NOL10: variants seen among roughly 807,000 people sequenced by gnomAD.
NOL10 encodes nucleolar protein 10, also known as H_NH0074G24.1.
Under a neutral mutation model 103.5 loss-of-function variants are expected in NOL10, and 58 were observed. That is an observed-to-expected ratio of 0.56 (90% CI 0.45 to 0.70). The LOEUF (loss-of-function observed/expected upper bound fraction) is 0.70. Ranked by LOEUF, NOL10 falls within the 30% of genes least tolerant of loss-of-function variation. The pLI is 0.00. For missense variants in NOL10, 763 were observed against 807.3 expected (o/e 0.95, Z 0.67); for synonymous variants, 287 against 282.5 (o/e 1.02, Z -0.16).
intron 13 of NOL10, among the ~76,000 whole-genome samples, chr2:10,638,483 C>CTTTTTTTTTTTTTTTTTTTTTTT (rs869294782): frequency 1.3e-5 from 1 of 77,784 alleles, no homozygotes; most frequent in African/African-American, 5.4e-5. Flanking sequence ...GCTGAATTCC[C>CTTTTTTTTTTTTTTTTTTTTTTT]TTTTTTTTTT....
At chr2:10,684,516 A>G in intron 2 of NOL10, 51 bp downstream of exon 2, 1 of 1,394,962 alleles carries the variant, frequency 7.2e-7, no homozygotes. Context: ...GAGTAAAAGC[A>G]TTAGAACATG....
chr2:10,661,661 G>C (rs140709008), intron 9 of NOL10, among the ~76,000 whole-genome samples: 2 of 151,920 alleles, frequency 1.3e-5, no homozygotes, highest in African/African-American at 2.4e-5. Flanking sequence ...GTGAGCCACC[G>C]TGCCTGGTCT....
intron 13 of NOL10, among the ~76,000 whole-genome samples, chr2:10,632,047 G>C (rs567222378): frequency 6.6e-6 from 1 of 152,110 alleles, no homozygotes; most frequent in African/African-American, 2.4e-5. Flanking sequence ...CATTAAGTAC[G>C]GTCAAGAAGC....
intron 3 of NOL10, among the ~76,000 whole-genome samples, chr2:10,677,332 T>C (rs966166774): frequency 6.6e-6 from 1 of 152,116 alleles, no homozygotes; most frequent in Non-Finnish European, 1.5e-5. Context: ...CTTTCATATT[T>C]TATGTTATGT....
chr2:10,592,032 C>A (rs540104181), intron 17 of NOL10, among the ~76,000 whole-genome samples: 1 of 150,330 alleles, frequency 6.7e-6, no homozygotes, highest in African/African-American at 2.5e-5. Flanking sequence ...ACAAACCAAC[C>A]CAAAATTGTG....
chr2:10,663,988 G>A (rs1680397670), intron 8 of NOL10, among the ~76,000 whole-genome samples: 1 of 151,922 alleles, frequency 6.6e-6, no homozygotes, highest in Non-Finnish European at 1.5e-5. Flanking sequence ...CAGGCATAGT[G>A]GCGCATGCCC....
At position 10,662,971 on chromosome 2, in the gene NOL10, G is replaced by C. The variant is rs754590170; in HGVS notation, c.665C>G (p.Thr222Arg). ...AATTTCTACTTACTCTGAATCTGCT[G>C]TGACACTGTTTAAGGCGCAGTCTAA... ...GLLDCALNSV[T>R]ADSEINSLPT... The change falls in exon 9 of 21, where the codon ACA (threonine) becomes AGA (arginine). Residue 222 changes from threonine to arginine, a missense_variant. Transcript: ENST00000381685. 6.2e-7 allele frequency: 1 copy of C among 1,613,232 alleles called. No homozygotes were observed. The highest frequency in any genetic ancestry group is 1.7e-5 in the Admixed American group (1 of 60,024).
intron 13 of NOL10, among the ~76,000 whole-genome samples, chr2:10,629,367 A>G (rs1241059524): frequency 6.6e-6 from 1 of 151,988 alleles, no homozygotes; most frequent in Non-Finnish European, 1.5e-5. Flanking sequence ...ATTCATACAG[A>G]AAATATATTT....
chr2:10,633,641 T>C (rs1677989247), intron 13 of NOL10, among the ~76,000 whole-genome samples: 1 of 151,940 alleles, frequency 6.6e-6, no homozygotes, highest in South Asian at 2.1e-4. Flanking sequence ...TATTCTCTGT[T>C]GAGTGAGAAG....
intron 13 of NOL10, among the ~76,000 whole-genome samples, chr2:10,607,968 C>A (rs7355649): frequency 0.59 from 89,376 of 151,684 alleles, 27,327 homozygotes; most frequent in African/African-American, 0.74. Flanking sequence ...TTAAAAACTA[C>A]AATTCTAGAC....
chr2:10,582,004 C>T (rs1674780459), intron 19 of NOL10, among the ~76,000 whole-genome samples: 1 of 152,162 alleles, frequency 6.6e-6, no homozygotes. Context: ...TCAGCCCACA[C>T]TCTTAAGTGT....
Position 10,594,061 on chromosome 2 carries a change from T to C in NOL10, c.1423-4310A>G, listed in dbSNP as rs538728324. Among the ~76,000 whole-genome samples, 17 of 152,284 alleles carry C rather than the reference T, an allele frequency of 1.1e-4. No individual in the cohort carries two copies. The South Asian group carries it at 3.1e-3, about 28-fold the overall frequency. On this transcript the variant is annotated intron_variant, in intron 17 of 20. Transcript: ENST00000381685. ...ACTGCCAAAAAATAACTATGGATCA[T>C]GGCAGGAAAAACTAATTGAAATTTT...
chr2:10,582,520 C>T (rs1214000289), intron 19 of NOL10, among the ~76,000 whole-genome samples: 2 of 152,184 alleles, frequency 1.3e-5, no homozygotes, highest in African/African-American at 2.4e-5. Context: ...CACTCCTATA[C>T]CTTGCAGGTC....
chr2:10,578,892 T>C (rs905042167), intron 19 of NOL10, among the ~76,000 whole-genome samples: 6 of 152,188 alleles, frequency 3.9e-5, no homozygotes, highest in Non-Finnish European at 4.4e-5. Flanking sequence ...TCCTCAAAAA[T>C]AGTATACTGT....
chr2:10,636,746 A>G (rs889388268), intron 13 of NOL10, among the ~76,000 whole-genome samples: 6 of 151,928 alleles, frequency 3.9e-5, no homozygotes, highest in South Asian at 2.1e-4. Context: ...TACCATCTAT[A>G]TAGGAAGAAG....
intron 14 of NOL10, among the ~76,000 whole-genome samples, chr2:10,603,584 C>T (rs576525551): frequency 3.9e-5 from 6 of 152,124 alleles, no homozygotes; most frequent in African/African-American, 4.8e-5. Context: ...ACAAAAACAA[C>T]GTAGAAAGAA....
rs529690290 is a variant in NOL10, at chr2:10,609,422, C to G, written c.1027-2111G>C. On this transcript the variant is annotated intron_variant, in intron 13 of 20. Coordinates refer to ENST00000381685, the MANE Select transcript of NOL10 (RefSeq NM_024894.4). ...CTAACAAGGTGAAACCCTGTCTGTA[C>G]TAAAAATACAAAAAAAAAAAAAAAA... Among the ~76,000 whole-genome samples, 4 of 71,540 alleles carry G rather than the reference C, an allele frequency of 5.6e-5. No homozygotes were observed. The East Asian group carries it at 1.4e-3, about 25-fold the overall frequency. The allele number at this position is 71,540 out of a possible 152,430, so 46.9% of individuals were successfully genotyped here. A position where few individuals can be genotyped will look rare whatever the true frequency, so the allele number is the denominator to read the frequency against.
intron 19 of NOL10, among the ~76,000 whole-genome samples, chr2:10,585,901 A>G (rs1291621950): frequency 5.3e-5 from 8 of 152,290 alleles, no homozygotes; most frequent in African/African-American, 1.9e-4. Context: ...TTCAGCCCAT[A>G]TTGGTTGAAT....
chr2:10,662,399 A>G (rs1680269632), intron 9 of NOL10, among the ~76,000 whole-genome samples: 1 of 152,196 alleles, frequency 6.6e-6, no homozygotes, highest in Non-Finnish European at 1.5e-5. Context: ...GAGACATTTA[A>G]CCTGAGGTTA....
Sources: gnomAD v4.1 joint callset for allele counts (sites outside exome capture counted in the v4.1 genomes callset) on GRCh38, gnomAD v4.1.1 for gene constraint, MANE v1.5 for transcripts, NCBI Gene and HGNC (gene_info 2026-07-23, HGNC 2026-07-21) for gene names.